ARHGAP42: variants seen among roughly 807,000 people sequenced by gnomAD.
ARHGAP42 encodes the protein Rho GTPase activating protein 42.
ARHGAP42 carries 63 observed loss-of-function variants against 125.0 expected under a neutral mutation model. The observed-to-expected ratio is 0.50, with a 90% CI of 0.41 to 0.62. The LOEUF is 0.62. Among genes scored for constraint, ARHGAP42 ranks in the 20% least tolerant of loss-of-function variants. The pLI is 0.00. For missense variants in ARHGAP42, 766 were observed against 1,024.2 expected (o/e 0.75, Z 3.44); for synonymous variants, 339 against 351.0 (o/e 0.97, Z 0.38).
intron 8 of ARHGAP42, 53 bp from the exon 9 acceptor site, chr11:100,941,731 G>C: frequency 8.7e-7 from 1 of 1,147,466 alleles, no homozygotes; most frequent in Non-Finnish European, 1.2e-6. Flanking sequence ...TGCAAACTTT[G>C]ATACAAATCA....
At chr11:100,877,099 T>C (rs1865839139) in intron 4 of ARHGAP42, among the ~76,000 whole-genome samples, 1 of 152,056 alleles carries the variant, frequency 6.6e-6, no homozygotes. Flanking sequence ...GGTGAGCTCA[T>C]TGTGAGATGT....
At chr11:100,688,141 T>G (rs190804014) in intron 1 of ARHGAP42, among the ~76,000 whole-genome samples, 2 of 152,014 alleles carry the variant, frequency 1.3e-5, no homozygotes, top group East Asian at 3.9e-4. Context: ...TTTTTTTTTT[T>G]AATTTATTGT....
At chr11:100,848,839 C>T (rs182180350) in intron 3 of ARHGAP42, among the ~76,000 whole-genome samples, 13 of 152,194 alleles carry the variant, frequency 8.5e-5, no homozygotes, top group African/African-American at 2.9e-4. Flanking sequence ...GAAAGAGAAG[C>T]GAGCAGTTTT....
At chr11:100,909,437 A>G (rs984736695) in intron 4 of ARHGAP42, among the ~76,000 whole-genome samples, 1 of 149,448 alleles carries the variant, frequency 6.7e-6, no homozygotes, top group African/African-American at 2.5e-5. Flanking sequence ...CCTCTGCTCC[A>G]GGGTTCAAGC....
intron 1 of ARHGAP42, among the ~76,000 whole-genome samples, chr11:100,702,669 T>C (rs1452115410): frequency 1.5e-5 from 2 of 129,226 alleles, no homozygotes; most frequent in African/African-American, 6.2e-5. Flanking sequence ...GATATTTGTG[T>C]TCTTTTTTTT....
intron 22 of ARHGAP42, among the ~76,000 whole-genome samples, chr11:100,981,693 A>C (rs1858550006): frequency 6.6e-6 from 1 of 152,340 alleles, no homozygotes; most frequent in East Asian, 1.9e-4. Context: ...GGGAGAGAAC[A>C]GTCAACCATT....
At position 100,990,642 on chromosome 11, in the gene ARHGAP42, G is replaced by A. The variant is rs1235945374; in HGVS notation, c.*1841G>A. 1 of 152,500 alleles carries A rather than the reference G, an allele frequency of 6.6e-6. No individual in the cohort carries two copies. Among genetic ancestry groups the A allele is most frequent in the East Asian group, 1.9e-4 (1 of 5,180 alleles). The allele number at this position is 152,500 out of a possible 1,614,324, so 9.4% of individuals were successfully genotyped here. On this transcript the variant is annotated 3_prime_UTR_variant, in exon 24 of 24. Transcript: ENST00000298815. The stretch of plus-strand genomic sequence containing the variant: ...TAAGGTGTGTTGCTGGATCTTCTTG[G>A]TCGAGGTCCTTGGTGACCTTAGTAG...
chr11:100,714,557 T>C (rs1036098160), intron 1 of ARHGAP42, among the ~76,000 whole-genome samples: 60 of 152,310 alleles, frequency 3.9e-4, no homozygotes, highest in Admixed American at 3.3e-3. Flanking sequence ...AAGAATTTTG[T>C]TGAGCACATG....
intron 1 of ARHGAP42, among the ~76,000 whole-genome samples, chr11:100,702,431 T>C (rs892475891): frequency 4.5e-4 from 68 of 152,200 alleles, no homozygotes; most frequent in African/African-American, 1.5e-3. Context: ...ATCATAAAGA[T>C]GTAGCAATAA....
chr11:100,906,218 T>G (rs1051310663), intron 4 of ARHGAP42, among the ~76,000 whole-genome samples: 20 of 152,190 alleles, frequency 1.3e-4, no homozygotes, highest in African/African-American at 4.8e-4. Context: ...CACCCCTCAG[T>G]ATTCTCCTGA....
chr11:100,911,717 ACT>A (rs1289114602), intron 4 of ARHGAP42, among the ~76,000 whole-genome samples: 3 of 152,116 alleles, frequency 2.0e-5, no homozygotes, highest in Admixed American at 2.0e-4. Flanking sequence ...AGTGGAGAGG[ACT>A]AGCCTCTCTA....
chr11:100,826,623 G>A (rs1461144666), intron 3 of ARHGAP42, among the ~76,000 whole-genome samples: 3 of 152,092 alleles, frequency 2.0e-5, no homozygotes, highest in Non-Finnish European at 2.9e-5. Flanking sequence ...AACAGTAATA[G>A]TTGAAGTTTT....
intron 1 of ARHGAP42, among the ~76,000 whole-genome samples, chr11:100,732,523 T>C (rs773103500): frequency 1.3e-4 from 20 of 152,192 alleles, no homozygotes; most frequent in Non-Finnish European, 2.6e-4. Context: ...CAAACAGCCG[T>C]TCATGTCTGG....
intron 4 of ARHGAP42, among the ~76,000 whole-genome samples, chr11:100,871,328 T>C (rs1865689488): frequency 6.6e-6 from 1 of 151,752 alleles, no homozygotes; most frequent in Non-Finnish European, 1.5e-5. Flanking sequence ...GGTGGATCAC[T>C]TGAGGTCAGG....
chr11:100,771,608 T>C (rs1009539263), intron 2 of ARHGAP42, among the ~76,000 whole-genome samples: 1 of 152,128 alleles, frequency 6.6e-6, no homozygotes, highest in African/African-American at 2.4e-5. Flanking sequence ...CTGGAATTTT[T>C]TTTTTTTTGA....
chr11:100,882,645 T>C (rs1865989470), intron 4 of ARHGAP42, among the ~76,000 whole-genome samples: 1 of 152,128 alleles, frequency 6.6e-6, no homozygotes, highest in Non-Finnish European at 1.5e-5. Flanking sequence ...TCTTTCTCTC[T>C]CTTGTGGAAT....
intron 5 of ARHGAP42, among the ~76,000 whole-genome samples, chr11:100,918,522 T>G (rs1162762453): frequency 2.0e-5 from 3 of 152,196 alleles, no homozygotes; most frequent in Non-Finnish European, 4.4e-5. Context: ...AATTATCTCA[T>G]TTCGATTGAT....
At chr11:100,896,348 G>A (rs575090468) in intron 4 of ARHGAP42, among the ~76,000 whole-genome samples, 1 of 152,132 alleles carries the variant, frequency 6.6e-6, no homozygotes, top group Non-Finnish European at 1.5e-5. Context: ...AATCCTTTGG[G>A]TATATACCCA....
intron 3 of ARHGAP42, among the ~76,000 whole-genome samples, chr11:100,799,347 A>G (rs1863797363): frequency 6.6e-6 from 1 of 152,122 alleles, no homozygotes; most frequent in Non-Finnish European, 1.5e-5. Flanking sequence ...AAATGTGTAT[A>G]CTTTTATGGG....
Sources: gnomAD v4.1 joint callset for allele counts (sites outside exome capture counted in the v4.1 genomes callset) on GRCh38, gnomAD v4.1.1 for gene constraint, MANE v1.5 for transcripts, NCBI Gene and HGNC (gene_info 2026-07-23, HGNC 2026-07-21) for gene names.